CSMD3: variants seen among roughly 807,000 people sequenced by gnomAD.
The protein encoded by CSMD3 is CUB and Sushi multiple domains 3.
In CSMD3, 177 loss-of-function variants were observed where a neutral mutation model predicts 435.2. The ratio of observed to expected loss-of-function variants is 0.41; its 90% CI spans 0.36 to 0.46. The LOEUF is 0.46. CSMD3 is among the 20% of genes least tolerant of loss of function. CSMD3 has a pLI of 0.34. For synonymous variants in CSMD3, 1,656 were observed against 1,520.5 expected, an observed-to-expected ratio of 1.09 and a Z score of -2.07; for missense variants, 4,265 against 4,504.6, an observed-to-expected ratio of 0.95 and a Z score of 1.52.
At chr8:112,893,098 A>G (rs894837604) in intron 10 of CSMD3, among the ~76,000 whole-genome samples, 2 of 151,064 alleles carry the variant, frequency 1.3e-5, no homozygotes, top group African/African-American at 4.9e-5. Flanking sequence ...TACTACTACA[A>G]AACTACTACT....
At chr8:113,145,664 G>A (rs1307504402) in intron 4 of CSMD3, among the ~76,000 whole-genome samples, 1 of 151,486 alleles carries the variant, frequency 6.6e-6, no homozygotes, top group Admixed American at 6.6e-5. Flanking sequence ...TGAAATGAAT[G>A]AATAAAGTCC....
At chr8:112,497,210 T>C (rs1315977440) in intron 30 of CSMD3, among the ~76,000 whole-genome samples, 1 of 152,068 alleles carries the variant, frequency 6.6e-6, no homozygotes, top group African/African-American at 2.4e-5. Context: ...TACCAGAGGC[T>C]GGGAAGAGTA....
At chr8:112,563,032 G>C (rs1258018471) in intron 24 of CSMD3, among the ~76,000 whole-genome samples, 1 of 151,618 alleles carries the variant, frequency 6.6e-6, no homozygotes, top group African/African-American at 2.4e-5. Flanking sequence ...AAAGCAGAAT[G>C]TCAACTGTGC....
At chr8:113,288,029 A>C (rs1490172800) in intron 2 of CSMD3, among the ~76,000 whole-genome samples, 1 of 151,870 alleles carries the variant, frequency 6.6e-6, no homozygotes, top group Non-Finnish European at 1.5e-5. Context: ...AAAGTAGGTT[A>C]TTTTCTAGTA....
chr8:112,444,611 T>C (rs1815394547), intron 32 of CSMD3, among the ~76,000 whole-genome samples: 1 of 152,150 alleles, frequency 6.6e-6, no homozygotes, highest in African/African-American at 2.4e-5. Flanking sequence ...GCAAACAAAA[T>C]AGTGCATACA....
intron 22 of CSMD3, among the ~76,000 whole-genome samples, chr8:112,604,750 A>G (rs990852861): frequency 5.3e-5 from 8 of 152,242 alleles, no homozygotes; most frequent in African/African-American, 1.7e-4. Flanking sequence ...TGAAGATGCC[A>G]AAAGCAATAG....
At chr8:113,233,459 G>A (rs1017341280) in intron 3 of CSMD3, among the ~76,000 whole-genome samples, 8 of 150,500 alleles carry the variant, frequency 5.3e-5, no homozygotes, top group Non-Finnish European at 8.9e-5. Flanking sequence ...TTATAAAAAA[G>A]TAAACTAATA....
chr8:113,022,376 A>C (rs1021509789), intron 5 of CSMD3, among the ~76,000 whole-genome samples: 1 of 152,104 alleles, frequency 6.6e-6, no homozygotes, highest in Non-Finnish European at 1.5e-5. Flanking sequence ...TTATTTACCA[A>C]ACATTAACTA....
intron 59 of CSMD3, among the ~76,000 whole-genome samples, chr8:112,271,370 A>C (rs1005626771): frequency 3.3e-5 from 5 of 152,200 alleles, no homozygotes; most frequent in African/African-American, 1.2e-4. Flanking sequence ...ACAGAAATTA[A>C]AAATTTTTTA....
chr8:112,412,046 A>T (rs1811409284), intron 32 of CSMD3, among the ~76,000 whole-genome samples: 1 of 152,026 alleles, frequency 6.6e-6, no homozygotes, highest in African/African-American at 2.4e-5. Context: ...AACATTCCTG[A>T]TTATCTATCT....
chr8:112,627,061 T>C (rs576602011), intron 22 of CSMD3, among the ~76,000 whole-genome samples: 2 of 152,164 alleles, frequency 1.3e-5, no homozygotes, highest in African/African-American at 4.8e-5. Flanking sequence ...ATATTCCTTA[T>C]CTGGCATTAA....
At chr8:112,672,207 A>G (rs1375061225) in intron 16 of CSMD3, among the ~76,000 whole-genome samples, 8 of 152,222 alleles carry the variant, frequency 5.3e-5, no homozygotes. Context: ...TAGATTAAAA[A>G]ATGAATACAA....
chr8:112,942,631 G>GTT (rs2083486156), intron 9 of CSMD3, among the ~76,000 whole-genome samples: 2 of 151,812 alleles, frequency 1.3e-5, no homozygotes, highest in African/African-American at 4.8e-5. Flanking sequence ...AATACCAAGT[G>GTT]TTCTCACTTA....
At chr8:112,633,511 A>G (rs1785157709) in intron 22 of CSMD3, among the ~76,000 whole-genome samples, 1 of 152,088 alleles carries the variant, frequency 6.6e-6, no homozygotes, top group Non-Finnish European at 1.5e-5. Context: ...ATGAGATATT[A>G]CACGACAGAA....
chr8:112,323,279 C>G (rs1488321905), intron 45 of CSMD3, among the ~76,000 whole-genome samples: 1 of 152,032 alleles, frequency 6.6e-6, no homozygotes, highest in East Asian at 1.9e-4. Context: ...TCATCAATCT[C>G]TACTAGTATG....
At chr8:113,380,933 A>G (rs535051800) in intron 1 of CSMD3, among the ~76,000 whole-genome samples, 1 of 152,270 alleles carries the variant, frequency 6.6e-6, no homozygotes, top group Non-Finnish European at 1.5e-5. Flanking sequence ...AAAGAAAAGA[A>G]AGAGAAAAAG....
rs769053242 is a variant in CSMD3, at chr8:112,676,911, C to T, written c.2677+5531G>A. On this transcript the variant is annotated intron_variant, in intron 16 of 70. Coordinates refer to ENST00000297405, the MANE Select transcript of CSMD3 (RefSeq NM_198123.2). The stretch of plus-strand genomic sequence containing the variant: ...GGCTTATTACTGGCAAATTCAGAAG[C>T]GGGCATTATAAAGTAGAAATGTAAC... Among the ~76,000 whole-genome samples the T allele has an allele frequency of 4.6e-5, 7 of 152,084 alleles. No homozygotes were observed. The South Asian group carries it at 1.0e-3, about 23-fold the overall frequency.
intron 13 of CSMD3, among the ~76,000 whole-genome samples, chr8:112,738,537 G>T (rs2077234883): frequency 6.6e-6 from 1 of 151,704 alleles, no homozygotes; most frequent in African/African-American, 2.4e-5. Context: ...CTTCAGAAGA[G>T]AAATATTTTA....
chr8:113,221,454 G>T (rs1000197187), intron 3 of CSMD3, among the ~76,000 whole-genome samples: 1 of 150,588 alleles, frequency 6.6e-6, no homozygotes, highest in African/African-American at 2.4e-5. Context: ...TCTGAGTAAA[G>T]GCTACATGGT....
Sources: allele counts gnomAD v4.1 joint callset (sites outside exome capture counted in the v4.1 genomes callset), GRCh38; gene constraint gnomAD v4.1.1; transcripts MANE v1.5; gene names NCBI Gene and HGNC (gene_info 2026-07-23, HGNC 2026-07-21).